PDE1A: variants seen among roughly 807,000 people sequenced by gnomAD.
The protein encoded by PDE1A is dual specificity calcium/calmodulin-dependent 3',5'-cyclic nucleotide phosphodiesterase 1A.
PDE1A carries 35 observed loss-of-function variants against 61.7 expected under a neutral mutation model. The ratio of observed to expected loss-of-function variants is 0.57; its 90% confidence interval spans 0.43 to 0.75. The LOEUF (loss-of-function observed/expected upper bound fraction) is 0.75. Among genes scored for constraint, PDE1A ranks in the 30% least tolerant of loss-of-function variants. PDE1A has a pLI of 0.00. For missense variants in PDE1A, 597 were observed against 630.6 expected (o/e 0.95, Z 0.57); for synonymous variants, 232 against 213.2 (o/e 1.09, Z -0.77).
chr2:182,257,126 T>A (rs1574168023), intron 2 of PDE1A, among the ~76,000 whole-genome samples: 1 of 152,188 alleles, frequency 6.6e-6, no homozygotes, highest in East Asian at 1.9e-4. Context: ...GTTGCTTTGG[T>A]GTCTATTCTT....
the PDE1A span, among the ~76,000 whole-genome samples, chr2:182,592,771 A>T: frequency 6.6e-6 from 1 of 152,226 alleles, no homozygotes. Flanking sequence ...AGAAAAAGAA[A>T]GAATGAATCA....
intron 12 of PDE1A, among the ~76,000 whole-genome samples, 178 bp from the exon 13 acceptor site, chr2:182,186,257 T>C (rs564395995): frequency 6.6e-6 from 1 of 152,290 alleles, no homozygotes; most frequent in South Asian, 2.1e-4. Flanking sequence ...GGATTCTCCT[T>C]AGTACACACC....
intron 13 of PDE1A, among the ~76,000 whole-genome samples, chr2:182,181,775 T>C (rs1054882250): frequency 1.2e-4 from 19 of 152,140 alleles, no homozygotes; most frequent in African/African-American, 4.6e-4. Flanking sequence ...CCCTGCCCAG[T>C]GAGGAGGAAT....
chr2:182,199,841 G>T (rs1428034157), intron 10 of PDE1A, among the ~76,000 whole-genome samples: 1 of 152,098 alleles, frequency 6.6e-6, no homozygotes, highest in East Asian at 1.9e-4. Flanking sequence ...ATATAAAAAT[G>T]AAACCACACA....
At chr2:182,691,722 C>T in the PDE1A span, among the ~76,000 whole-genome samples, 8 of 152,184 alleles carry the variant, frequency 5.3e-5, no homozygotes, top group Admixed American at 3.9e-4. Context: ...GCAAAAGAAA[C>T]TACCATCAGA....
chr2:182,518,766 A>G (rs1332728597), intron 2 of PDE1A, among the ~76,000 whole-genome samples: 1 of 152,076 alleles, frequency 6.6e-6, no homozygotes, highest in African/African-American at 2.4e-5. Flanking sequence ...CCTGAGTAAG[A>G]TAATACTTTG....
chr2:182,430,978 GA>G (rs1703914039), upstream of PDE1A, among the ~76,000 whole-genome samples: 1 of 114,880 alleles, frequency 8.7e-6, no homozygotes. Context: ...AGGGGGGAGG[GA>G]TAGCATTGGG....
chr2:182,378,213 T>C (rs929905612), intron 1 of PDE1A, among the ~76,000 whole-genome samples: 6 of 152,212 alleles, frequency 3.9e-5, no homozygotes, highest in African/African-American at 1.4e-4. Context: ...AAATATTATA[T>C]TGAGCTAAAG....
At position 182,489,213 on chromosome 2, in the gene PDE1A, G is replaced by A. The variant is rs147920595; in HGVS notation, c.101+33063C>T. 1.4e-4 allele frequency among the ~76,000 whole-genome samples: 22 copies of A among 152,276 alleles called. No individual in the cohort carries two copies. In the East Asian group the frequency reaches 3.1e-3, roughly 21 times the overall value. On this transcript the variant is annotated intron_variant, in intron 2 of 14. Coordinates refer to the PDE1A transcript ENST00000410103. ...GGCAGATTCACAAGCCCTAGGGCCTGAGCATGCCTCAAGTTTAGAAGGAGA... is the reference window on the plus strand; with the variant it reads ...GGCAGATTCACAAGCCCTAGGGCCTAAGCATGCCTCAAGTTTAGAAGGAGA...
intron 1 of PDE1A, among the ~76,000 whole-genome samples, chr2:182,409,427 G>A (rs903083652): frequency 1.3e-5 from 2 of 152,192 alleles, no homozygotes; most frequent in South Asian, 2.1e-4. Context: ...CTATTAGGTA[G>A]GAGGTACTGT....
chr2:182,447,281 A>G (rs1046390516), intron 2 of PDE1A, among the ~76,000 whole-genome samples: 3 of 152,002 alleles, frequency 2.0e-5, no homozygotes, highest in Non-Finnish European at 4.4e-5. Context: ...ATGAGCAATC[A>G]TTTCCAAGCA....
chr2:182,168,731 TTCTA>T (rs1361642625), intron 13 of PDE1A, among the ~76,000 whole-genome samples: 6 of 152,282 alleles, frequency 3.9e-5, no homozygotes, highest in African/African-American at 1.4e-4. Context: ...AGAAATGATA[TTCTA>T]TCTGTGATTT....
the PDE1A span, among the ~76,000 whole-genome samples, chr2:182,596,999 A>G: frequency 2.6e-4 from 39 of 151,944 alleles, no homozygotes; most frequent in Admixed American, 1.3e-4. Flanking sequence ...TTAAAAATAC[A>G]AAAATTAGGT....
At chr2:182,179,748 T>C (rs1684594116) in intron 13 of PDE1A, among the ~76,000 whole-genome samples, 1 of 152,186 alleles carries the variant, frequency 6.6e-6, no homozygotes, top group South Asian at 2.1e-4. Context: ...ATCATTTGAA[T>C]TTCTACTTTG....
chr2:182,323,666 G>A (rs937569801), intron 1 of PDE1A, among the ~76,000 whole-genome samples: 1 of 152,136 alleles, frequency 6.6e-6, no homozygotes, highest in Non-Finnish European at 1.5e-5. Flanking sequence ...CTGCTTGGAG[G>A]GTCCTTGTCT....
At chr2:182,527,309 A>T (rs1690786603), upstream of PDE1A, among the ~76,000 whole-genome samples, 1 of 36,508 alleles carries the variant, frequency 2.7e-5, no homozygotes, top group Non-Finnish European at 4.7e-5. Flanking sequence ...TCTATAAAAA[A>T]AAAAAAAAAA....
At chr2:182,186,675 C>T (rs1477018152) in intron 11 of PDE1A, 87 bp from the exon 12 acceptor site, 2 of 1,329,286 alleles carry the variant, frequency 1.5e-6, no homozygotes, top group Non-Finnish European at 2.1e-6. Context: ...TGAAGAGCTT[C>T]TGACAATCCT....
At chr2:182,315,781 C>T (rs895603853) in intron 1 of PDE1A, among the ~76,000 whole-genome samples, 1 of 152,266 alleles carries the variant, frequency 6.6e-6, no homozygotes, top group South Asian at 2.1e-4. Flanking sequence ...GAGAAATATT[C>T]TTTTCTACAG....
chr2:182,151,577 C>G (rs1178448928), intron 13 of PDE1A, among the ~76,000 whole-genome samples: 1 of 152,162 alleles, frequency 6.6e-6, no homozygotes, highest in East Asian at 1.9e-4. Flanking sequence ...TCATGAGTAA[C>G]CTACCCTCAC....
Sources: gnomAD v4.1 joint callset for allele counts (sites outside exome capture counted in the v4.1 genomes callset) on GRCh38, gnomAD v4.1.1 for gene constraint, MANE v1.5 for transcripts, NCBI Gene and HGNC (gene_info 2026-07-23, HGNC 2026-07-21) for gene names.